UBE2L3: variants seen among roughly 807,000 people sequenced by gnomAD.
The protein encoded by UBE2L3 is ubiquitin-conjugating enzyme E2 L3.
Under a neutral mutation model 17.8 loss-of-function variants are expected in UBE2L3, and 1 was observed. The ratio of observed to expected loss-of-function variants is 0.06; its 90% CI spans 0.02 to 0.27. The LOEUF (loss-of-function observed/expected upper bound fraction) is 0.27, where lower values mean the gene tolerates loss of function less well. UBE2L3 is among the 10% of genes least tolerant of loss of function. The probability of loss-of-function intolerance (pLI) is 1.00; values close to 1 mark genes in which losing one functional copy is unlikely to be tolerated. For synonymous variants in UBE2L3, 44 were observed against 68.5 expected (o/e 0.64, Z 1.76); for missense variants, 40 against 192.6 (o/e 0.21, Z 4.69).
At chr22:21,567,265 G>A (rs1028376047), upstream of UBE2L3, among the ~76,000 whole-genome samples, 17 of 152,066 alleles carry the variant, frequency 1.1e-4, no homozygotes, top group Non-Finnish European at 2.4e-4. Flanking sequence ...CCGGGTTCAA[G>A]CGATTCTCCT....
chr22:21,607,917 A>T (rs986745521), intron 2 of UBE2L3, among the ~76,000 whole-genome samples: 1 of 152,170 alleles, frequency 6.6e-6, no homozygotes, highest in Non-Finnish European at 1.5e-5. Context: ...CAAGGCAGTT[A>T]TTTGGACTTC....
Position 21,621,689 on chromosome 22 carries a change from C to T in UBE2L3, c.*20C>T. 2 of 1,587,432 alleles carry T rather than the reference C, an allele frequency of 1.3e-6. No individual in the cohort carries two copies. Among genetic ancestry groups the T allele is most frequent in the Non-Finnish European group, 1.7e-6 (2 of 1,161,572 alleles). On this transcript the variant is annotated 3_prime_UTR_variant, in exon 4 of 4. Transcript: ENST00000342192. ...GACTAAAATCTGCCACGATTGGTTC[C>T]AGCAAGTGTGAGCAGAGACCCCGTG...
At chr22:21,567,806 G>C in intron 1 of UBE2L3, 35 bp downstream of exon 1, 1 of 1,569,744 alleles carries the variant, frequency 6.4e-7, no homozygotes, top group Non-Finnish European at 8.6e-7. Context: ...CCGGGCGTGG[G>C]GCGGCGTCCT....
At chr22:21,565,909 C>T (rs767687930), upstream of UBE2L3, among the ~76,000 whole-genome samples, 1 of 151,534 alleles carries the variant, frequency 6.6e-6, no homozygotes, top group Non-Finnish European at 1.5e-5. Flanking sequence ...TTCCAAGTGG[C>T]CCCTGCTCCC....
In UBE2L3 at chr22:21,576,801, C is replaced by CTTT. The variant is rs757829734; in HGVS notation, c.27+9048_27+9050dup. ...ATTCTTGCTTCTTGTCTTCTCTTTC[C>CTTT]TTTTTTTTTTTTTTTTTTTTGAGAC... On this transcript the variant is annotated intron_variant, in intron 1 of 3. Transcript: ENST00000342192. 5.5e-3 allele frequency among the ~76,000 whole-genome samples: 650 copies of CTTT among 118,120 alleles called. 27 individuals are homozygous for CTTT. Among genetic ancestry groups the CTTT allele is most frequent in the East Asian group, 0.046 (175 of 3,844 alleles). 77.5% of individuals were successfully genotyped at this position (118,120 alleles called of 152,430 possible). A position where few individuals can be genotyped will look rare whatever the true frequency, so the allele number is the denominator to read the frequency against.
chr22:21,610,820 C>G (rs1323232001), intron 2 of UBE2L3, 37 bp from the exon 3 acceptor site: 8 of 1,552,676 alleles, frequency 5.2e-6, no homozygotes, highest in Non-Finnish European at 7.0e-6. Context: ...GGTTTATGAA[C>G]CATGGTGTGT....
intron 1 of UBE2L3, among the ~76,000 whole-genome samples, chr22:21,588,663 T>G (rs1030359260): frequency 1.3e-5 from 2 of 151,498 alleles, no homozygotes; most frequent in Non-Finnish European, 2.9e-5. Context: ...TTATTTTTTA[T>G]TTTTATTTAT....
At chr22:21,598,210 T>TG (rs1555885647) in intron 2 of UBE2L3, among the ~76,000 whole-genome samples, 212 of 151,986 alleles carry the variant, frequency 1.4e-3, no homozygotes, top group East Asian at 3.9e-3. Context: ...TGTGTGTGTG[T>TG]TTTTCATTTA....
chr22:21,611,779 T>C (rs2148442487), intron 3 of UBE2L3, among the ~76,000 whole-genome samples: 1 of 152,348 alleles, frequency 6.6e-6, no homozygotes, highest in South Asian at 2.1e-4. Flanking sequence ...TAGACTTTCT[T>C]TTGAAGTCCT....
chr22:21,615,926 C>T (rs1929746790), intron 3 of UBE2L3, among the ~76,000 whole-genome samples: 1 of 152,134 alleles, frequency 6.6e-6, no homozygotes, highest in Admixed American at 6.5e-5. Context: ...TGGCCCCAAA[C>T]GTGGTGCTGA....
intron 1 of UBE2L3, among the ~76,000 whole-genome samples, chr22:21,591,246 G>A (rs937208798): frequency 4.6e-5 from 7 of 152,324 alleles, no homozygotes; most frequent in East Asian, 1.9e-4. Flanking sequence ...AGGGAGAAAT[G>A]GATCCATCAT....
intron 1 of UBE2L3, among the ~76,000 whole-genome samples, chr22:21,583,343 A>T (rs528831449): frequency 6.6e-6 from 1 of 152,286 alleles, no homozygotes; most frequent in East Asian, 1.9e-4. Context: ...CAGTTCTTTT[A>T]ACCCACCCTC....
chr22:21,565,919 C>A (rs1366222544), upstream of UBE2L3, among the ~76,000 whole-genome samples: 1 of 151,266 alleles, frequency 6.6e-6, no homozygotes, highest in Non-Finnish European at 1.5e-5. Context: ...CCCCTGCTCC[C>A]CTTCTTATCC....
At chr22:21,571,039 A>G (rs1004630763) in intron 1 of UBE2L3, among the ~76,000 whole-genome samples, 2 of 152,232 alleles carry the variant, frequency 1.3e-5, no homozygotes, top group Admixed American at 1.3e-4. Context: ...CAAAGTGAGT[A>G]TGATAAAGTC....
intron 1 of UBE2L3, among the ~76,000 whole-genome samples, chr22:21,575,268 A>G (rs1927203942): frequency 6.7e-6 from 1 of 150,210 alleles, no homozygotes; most frequent in Non-Finnish European, 1.5e-5. Context: ...CAAAAAAAAA[A>G]AAAAAAAAAG....
intron 3 of UBE2L3, among the ~76,000 whole-genome samples, chr22:21,612,120 T>C (rs1929511350): frequency 6.6e-6 from 1 of 152,140 alleles, no homozygotes; most frequent in African/African-American, 2.4e-5. Flanking sequence ...TTCAAAGCCT[T>C]GCGCAAGAAA....
chr22:21,611,791 A>T (rs1929495432), intron 3 of UBE2L3, among the ~76,000 whole-genome samples: 3 of 152,060 alleles, frequency 2.0e-5, no homozygotes, highest in African/African-American at 7.2e-5. Context: ...TGAAGTCCTA[A>T]TCTCATATTT....
intron 2 of UBE2L3, among the ~76,000 whole-genome samples, chr22:21,594,833 A>G (rs1489495626): frequency 2.0e-5 from 3 of 152,018 alleles, no homozygotes; most frequent in Non-Finnish European, 4.4e-5. Flanking sequence ...TCCCTTTTCT[A>G]ATTGAGATTG....
At chr22:21,616,620 C>T (rs1929787891) in intron 3 of UBE2L3, among the ~76,000 whole-genome samples, 1 of 151,046 alleles carries the variant, frequency 6.6e-6, no homozygotes, top group Admixed American at 6.6e-5. Context: ...CTACTGCACT[C>T]CAGCCTGGGT....
Sources: gnomAD v4.1 joint callset for allele counts (sites outside exome capture counted in the v4.1 genomes callset) on GRCh38, gnomAD v4.1.1 for gene constraint, MANE v1.5 for transcripts, NCBI Gene and HGNC (gene_info 2026-07-23, HGNC 2026-07-21) for gene names.